The following CTDSP1 variants were observed in gnomAD, a reference collection of about 807,000 sequenced individuals.
CTDSP1 encodes CTD small phosphatase 1.
CTDSP1 carries 15 observed loss-of-function variants against 32.5 expected under a neutral mutation model. The ratio of observed to expected loss-of-function variants is 0.46; its 90% CI spans 0.31 to 0.71. The LOEUF is 0.71. Ranked by LOEUF, CTDSP1 falls within the 30% of genes least tolerant of loss-of-function variation. CTDSP1 has a pLI of 0.05. For missense variants in CTDSP1, 294 were observed against 351.1 expected, an observed-to-expected ratio of 0.84 and a Z score of 1.30; for synonymous variants, 185 against 145.4, an observed-to-expected ratio of 1.27 and a Z score of -1.96.
chr2:218,403,296 A>G lies in CTDSP1; in HGVS notation c.536A>G (p.Glu179Gly). Residue 179 changes from glutamate (E) to glycine (G), a missense_variant, in exon 6 of 7, where the codon GAG becomes GGG. Glu to Gly is a moderately conservative substitution (Grantham distance 98, BLOSUM62 -2). Around this residue, in one of 2 missense-constraint regions of CTDSP1, gnomAD observed 146 missense variants for 237.7 expected, o/e 0.61. Transcript: ENST00000273062. ...WGAFRARLFR[E>G]SCVFHRGNYV... is the part of the protein sequence containing the mutation. ...GCCTTCCGGGCCCGGCTGTTTCGAG[A>G]GTCCTGCGTCTTCCACCGGGGGAAC... 6.2e-7 allele frequency: 1 copy of G among 1,614,118 alleles called. No homozygotes were observed. The highest frequency in any genetic ancestry group is 8.5e-7 in the Non-Finnish European group (1 of 1,179,984).
At chr2:218,404,178 C>T (rs758810503) in intron 6 of CTDSP1, 119 bp from the exon 7 acceptor site, 3 of 1,274,402 alleles carry the variant, frequency 2.4e-6, no homozygotes, top group Non-Finnish European at 3.3e-6. Context: ...AGTTTGAACA[C>T]TGTGGGTGAG....
Position 218,401,671 on chromosome 2 carries a change from G to C in CTDSP1, c.175G>C (p.Gly59Arg). 1.2e-6 allele frequency: 2 copies of C among 1,605,270 alleles called. No individual in the cohort carries two copies. Among genetic ancestry groups the C allele is most frequent in the South Asian group, 1.1e-5 (1 of 90,218 alleles). The change falls in exon 2 of 7, where the codon GGG (glycine) becomes CGG (arginine). Residue 59 changes from glycine to arginine, a missense_variant. Around this residue, in one of 2 missense-constraint regions of CTDSP1, gnomAD observed 148 missense variants for 113.3 expected, o/e 1.31. Coordinates refer to ENST00000273062, the MANE Select transcript of CTDSP1 (RefSeq NM_021198.3). ...DDGEALPAHSGAPLLVEENGA... is the reference protein window; with the variant it reads ...DDGEALPAHSRAPLLVEENGA... ...TGGGGAGGCCCTGCCTGCTCACAGC[G>C]GGGCGCCCCTGCTTGTGGAGGAGAA... is the stretch of plus-strand genomic sequence containing the variant.
chr2:218,402,613 T>TC (rs1162517577), intron 4 of CTDSP1: 7 of 756,802 alleles, frequency 9.2e-6, no homozygotes, highest in Non-Finnish European at 1.7e-5. Context: ...TCCTCTAGGC[T>TC]CCCCCGTGCT....
intron 1 of CTDSP1, chr2:218,400,689 C>T (rs1050669996): frequency 2.9e-5 from 13 of 453,592 alleles, no homozygotes; most frequent in East Asian, 2.1e-4. Flanking sequence ...GAGGCGCCGA[C>T]CCCCTCGGAG....
rs767602823 is a variant in CTDSP1, at chr2:218,403,358, C to A, written c.598C>A (p.Arg200=). The change falls in exon 6 of 7, where the codon CGG becomes AGG. Residue 200 remains arginine (R), a synonymous_variant. Coordinates refer to ENST00000273062, the MANE Select transcript of CTDSP1 (RefSeq NM_021198.3). ...CCTGAGCCGGTTGGGTCGAGACCTG[C>A]GGCGGGTGCTCATCCTGGACAATTC... ...KDLSRLGRDL[R]RVLILDNSPA... 2 of 1,613,516 alleles carry A rather than the reference C, an allele frequency of 1.2e-6. No homozygotes were observed. The highest frequency in any genetic ancestry group is 1.7e-6 in the Non-Finnish European group (2 of 1,179,804).
chr2:218,401,246 G>C, intron 1 of CTDSP1: 1 of 442,938 alleles, frequency 2.3e-6, no homozygotes, highest in Non-Finnish European at 4.2e-6. Context: ...ACCGCAATGG[G>C]GCTGATCAGC....
chr2:218,400,068 C>T lies in CTDSP1; in HGVS notation c.-23C>T. 1.4e-6 allele frequency: 2 copies of T among 1,416,416 alleles called. No individual in the cohort carries two copies. Among genetic ancestry groups the T allele is most frequent in the Non-Finnish European group, 1.8e-6 (2 of 1,083,066 alleles). The allele number at this position is 1,416,416 out of a possible 1,614,324, so 87.7% of individuals were successfully genotyped here. ...CCGGGCGCCCGGGCCAGAGTCCGGCCGGAGCGGAGCGCGCCCGGCCCCATG... is the reference window on the plus strand; with the variant it reads ...CCGGGCGCCCGGGCCAGAGTCCGGCTGGAGCGGAGCGCGCCCGGCCCCATG... On this transcript the variant is annotated 5_prime_UTR_variant, in exon 1 of 7. Transcript: ENST00000273062.
At chr2:218,402,585 G>A (rs563418366) in intron 4 of CTDSP1, 180 bp downstream of exon 4, 4 of 772,664 alleles carry the variant, frequency 5.2e-6, no homozygotes, top group East Asian at 5.1e-5. Context: ...CTGACTCCAA[G>A]CCTGCAGAGT....
rs147970292 is a variant in CTDSP1 at position 218,403,341 on chromosome 2, G to A, written c.581G>A (p.Arg194Gln). 1.4e-5 allele frequency: 22 copies of A among 1,614,052 alleles called. No individual in the cohort carries two copies. Among genetic ancestry groups the A allele is most frequent in the South Asian group, 4.4e-5 (4 of 91,080 alleles). The change falls in exon 6 of 7, where the codon CGG (arginine) becomes CAG (glutamine). Residue 194 changes from arginine (R) to glutamine (Q), a missense_variant. By Grantham distance (43) the Arg-to-Gln change is conservative. Coordinates refer to ENST00000273062, the MANE Select transcript of CTDSP1 (RefSeq NM_021198.3). ...HRGNYVKDLS[R>Q]LGRDLRRVLI... ...GGGAACTACGTGAAGGACCTGAGCC[G>A]GTTGGGTCGAGACCTGCGGCGGGTG...
At chr2:218,400,444 G>T in intron 1 of CTDSP1, 1 of 516,200 alleles carries the variant, frequency 1.9e-6, no homozygotes, top group Non-Finnish European at 3.6e-6. Flanking sequence ...GCATTGCGTG[G>T]TGCATGGGCG....
chr2:218,399,980 T>TGGCCC lies in CTDSP1; in HGVS notation c.-111_-110insGGCCC. The TGGCCC allele has an allele frequency of 3.2e-6, 3 of 946,504 alleles. No individual in the cohort carries two copies. The highest frequency in any genetic ancestry group is 3.9e-6 in the Non-Finnish European group (3 of 770,558). 58.6% of individuals were successfully genotyped at this position (946,504 alleles called of 1,614,324 possible). A position where few individuals can be genotyped will look rare whatever the true frequency, so the allele number is the denominator to read the frequency against. On this transcript the variant is annotated 5_prime_UTR_variant, in exon 1 of 7. It adds an upstream start codon to the 5' untranslated region. Transcript: ENST00000273062. The stretch of plus-strand genomic sequence containing the variant: ...CCCTCCCCTCCGGAGCTCGCGGGGA[T>TGGCCC]CCCTCCCTCCCACCCCTCCCCTCCC...
upstream of CTDSP1, among the ~76,000 whole-genome samples, chr2:218,397,193 C>T (rs543083844): frequency 9.2e-5 from 14 of 152,244 alleles, no homozygotes; most frequent in African/African-American, 3.4e-4. Context: ...CACGGAGACC[C>T]GGCTAAAGGG....
At chr2:218,396,694 C>T (rs962263633), upstream of CTDSP1, 10 of 152,638 alleles carry the variant, frequency 6.6e-5, no homozygotes, top group Non-Finnish European at 1.3e-4. Flanking sequence ...GAAGATGGGT[C>T]CATGCCAGCT....
rs1022553157 is a variant in CTDSP1 at position 218,399,937 on chromosome 2, C to A, written c.-154C>A. The A allele has an allele frequency of 9.7e-6, 11 of 1,134,498 alleles. No homozygotes were observed. The highest frequency in any genetic ancestry group is 1.2e-5 in the Non-Finnish European group (11 of 917,728). The allele number at this position is 1,134,498 out of a possible 1,614,324, so 70.3% of individuals were successfully genotyped here. A position where few individuals can be genotyped will look rare whatever the true frequency, so the allele number is the denominator to read the frequency against. On this transcript the variant is annotated 5_prime_UTR_variant, in exon 1 of 7. Coordinates refer to ENST00000273062, the MANE Select transcript of CTDSP1 (RefSeq NM_021198.3). ...CCTCCGCGCCCCCTCCCTCCCCCTC[C>A]CCCCTAGAACCTGGCTCCCCTCCCC...
chr2:218,403,636 C>A, intron 6 of CTDSP1: 2 of 474,894 alleles, frequency 4.2e-6, no homozygotes, highest in Non-Finnish European at 7.3e-6. Flanking sequence ...ATCTGCCATG[C>A]ACAGGGGCCC....
At chr2:218,398,519 G>C (rs1696937364), upstream of CTDSP1, 2 of 1,352,192 alleles carry the variant, frequency 1.5e-6, no homozygotes, top group East Asian at 3.1e-5. Flanking sequence ...CCTACTCCCA[G>C]CCTCAGCGCA....
rs376907785 is a variant in CTDSP1, at chr2:218,402,206, C to T, written c.312C>T (p.Ser104=). Residue 104 remains serine, a synonymous_variant, in exon 3 of 7, where the codon AGC becomes AGT. Transcript: ENST00000273062. ...ACCTGGACGAGACCCTGGTGCACAG[C>T]TCCTTCAAGGTGGGCCCTGCTCAAC... ...VIDLDETLVH[S]SFKPVNNADF... 4 of 1,613,612 alleles carry T rather than the reference C, an allele frequency of 2.5e-6. No individual in the cohort carries two copies. The highest frequency in any genetic ancestry group is 1.7e-5 in the Admixed American group (1 of 60,020).
intron 2 of CTDSP1, 74 bp from the exon 3 acceptor site, chr2:218,402,037 G>T: frequency 9.5e-7 from 1 of 1,050,640 alleles, no homozygotes; most frequent in Non-Finnish European, 1.4e-6. Flanking sequence ...GAGACGGCTA[G>T]GGGGAGAAGC....
chr2:218,401,606 G>C lies in CTDSP1; in HGVS notation c.110G>C (p.Gly37Ala). The C allele has an allele frequency of 6.2e-7, 1 of 1,613,902 alleles. No homozygotes were observed. The highest frequency in any genetic ancestry group is 1.3e-5 in the African/African-American group (1 of 75,052). Residue 37 changes from glycine (G) to alanine (A), a missense_variant, in exon 2 of 7, where the codon GGC (glycine) becomes GCC (alanine). Gly to Ala is a moderately conservative substitution (Grantham distance 60). Around this residue, in one of 2 missense-constraint regions of CTDSP1, gnomAD observed 148 missense variants for 113.3 expected, o/e 1.31. Transcript: ENST00000273062. ...GCTTCCCAGAAGCCCCGAAGCCGGG[G>C]CATCCTCCACTCACTCTTCTGCTGT... ...SAASQKPRSR[G>A]ILHSLFCCVC...
Sources: gnomAD v4.1 joint callset for allele counts (sites outside exome capture counted in the v4.1 genomes callset) on GRCh38, gnomAD v4.1.1 for gene constraint, gnomAD v4.1.1 regional missense constraint, MANE v1.5 for transcripts, NCBI Gene and HGNC (gene_info 2026-07-23, HGNC 2026-07-21) for gene names.